The following KCTD18 variants were observed in gnomAD, a reference collection of about 807,000 sequenced individuals.
KCTD18 encodes potassium channel tetramerization domain containing 18.
A neutral mutation model predicts 30.4 loss-of-function variants in KCTD18; 22 were observed. The ratio of observed to expected loss-of-function variants is 0.72; its 90% CI spans 0.52 to 1.03. The LOEUF is 1.03. Ranked by LOEUF, KCTD18 falls within the 50% of genes least tolerant of loss-of-function variation. The pLI is 0.00. For missense variants in KCTD18, 529 were observed against 547.6 expected (o/e 0.97, Z 0.34); for synonymous variants, 186 against 209.0 (o/e 0.89, Z 0.95).
In KCTD18 at chr2:200,490,332, G is replaced by T; in HGVS notation, c.1049C>A (p.Ala350Glu). The T allele has an allele frequency of 6.2e-7, 1 of 1,614,222 alleles. No homozygotes were observed. The highest frequency in any genetic ancestry group is 8.5e-7 in the Non-Finnish European group (1 of 1,180,038). ...PGHPQASPGAASAENGGTHLP... is the reference protein window; with the variant it reads ...PGHPQASPGAESAENGGTHLP... ...GTGCGTGCCTCCATTTTCAGCGCTC[G>T]CAGCCCCAGGGGAAGCCTGAGGATG... The change falls in exon 7 of 7, where the codon GCG becomes GAG. Residue 350 changes from alanine to glutamate, a missense_variant. Coordinates refer to ENST00000359878, the MANE Select transcript of KCTD18 (RefSeq NM_152387.4).
Position 200,504,944 on chromosome 2 carries a change from T to C in KCTD18, c.176A>G (p.Asp59Gly), listed in dbSNP as rs2030107213. 1 of 1,613,788 alleles carries C rather than the reference T, an allele frequency of 6.2e-7. No individual in the cohort carries two copies. The highest frequency in any genetic ancestry group is 2.2e-5 in the East Asian group (1 of 44,880). The change falls in exon 3 of 7, where the codon GAC (aspartate) becomes GGC (glycine). Residue 59 changes from aspartate to glycine, a missense_variant. Asp to Gly is a moderately conservative substitution (Grantham distance 94). Coordinates refer to ENST00000359878, the MANE Select transcript of KCTD18 (RefSeq NM_152387.4). ...GTATTTAAATAGACGTCCATCACGG[T>C]CAATAACACAAGCCCCTAGAAAACA... ...KTDESGACVI[D>G]RDGRLFKYLL... is the part of the protein sequence containing the mutation.
intron 5 of KCTD18, 56 bp from the exon 6 acceptor site, chr2:200,493,330 C>A: frequency 9.6e-7 from 1 of 1,043,350 alleles, no homozygotes; most frequent in Non-Finnish European, 1.5e-6. Flanking sequence ...AAATGCTGAG[C>A]AACACTGTTT....
intron 1 of KCTD18, among the ~76,000 whole-genome samples, 162 bp from the exon 2 acceptor site, chr2:200,507,253 A>G (rs2106285971): frequency 6.6e-6 from 1 of 152,366 alleles, no homozygotes; most frequent in Non-Finnish European, 1.5e-5. Flanking sequence ...TATGCTAAGA[A>G]GTTGGAAAAT....
At chr2:200,493,666 T>C (rs531870967) in intron 5 of KCTD18, among the ~76,000 whole-genome samples, 1 of 152,340 alleles carries the variant, frequency 6.6e-6, no homozygotes, top group East Asian at 1.9e-4. Context: ...AGCTGTGAAA[T>C]GATGACAATA....
intron 1 of KCTD18, among the ~76,000 whole-genome samples, chr2:200,508,135 C>T (rs113483357): frequency 6.6e-6 from 1 of 152,124 alleles, no homozygotes; most frequent in Non-Finnish European, 1.5e-5. Flanking sequence ...TGGAGTCTCG[C>T]TCTGTAGCCC....
At position 200,490,024 on chromosome 2, in the gene KCTD18, AAAGT is replaced by A. The variant is rs1465298359; in HGVS notation, c.*72_*75del. 1.4e-6 allele frequency: 2 copies of A among 1,437,374 alleles called. No homozygotes were observed. The highest frequency in any genetic ancestry group is 2.8e-5 in the African/African-American group (2 of 70,556). The allele number at this position is 1,437,374 out of a possible 1,614,324, so 89.0% of individuals were successfully genotyped here. A position where few individuals can be genotyped will look rare whatever the true frequency, so the allele number is the denominator to read the frequency against. ...TAAGCTTCCCCTCTGCTGCATTAAG[AAAGT>A]GTCACTTCTTTGCGTCGAATGGGTT... On this transcript the variant is annotated 3_prime_UTR_variant, in exon 7 of 7. Coordinates refer to ENST00000359878, the MANE Select transcript of KCTD18 (RefSeq NM_152387.4).
chr2:200,489,171 C>T lies in KCTD18; in HGVS notation c.*929G>A, dbSNP rs541317452. ...AACATAACATTTACGAATAAACACA[C>T]ACAACTGAATAGTCATGAAAAAATA... On this transcript the variant is annotated 3_prime_UTR_variant, in exon 7 of 7. Transcript: ENST00000359878. 9 of 152,566 alleles carry T rather than the reference C, an allele frequency of 5.9e-5. No individual in the cohort carries two copies. The highest frequency in any genetic ancestry group is 1.2e-4 in the Non-Finnish European group (8 of 68,002). 9.5% of individuals were successfully genotyped at this position (152,566 alleles called of 1,614,324 possible). A position where few individuals can be genotyped will look rare whatever the true frequency, so the allele number is the denominator to read the frequency against.
chr2:200,500,501 A>G (rs894456659), intron 3 of KCTD18, among the ~76,000 whole-genome samples: 249 of 152,076 alleles, frequency 1.6e-3, no homozygotes, highest in Non-Finnish European at 3.0e-3. Context: ...ACAAACAGAG[A>G]GCCAAATCAT....
intron 3 of KCTD18, among the ~76,000 whole-genome samples, chr2:200,502,030 C>A (rs1003837384): frequency 6.6e-6 from 1 of 151,622 alleles, no homozygotes; most frequent in African/African-American, 2.4e-5. Flanking sequence ...AGTAAACTAT[C>A]GCAAGAACAA....
chr2:200,492,829 AG>A (rs1259202973), intron 6 of KCTD18, among the ~76,000 whole-genome samples: 12 of 111,216 alleles, frequency 1.1e-4, no homozygotes, highest in African/African-American at 3.1e-4. Context: ...AAGTCTAAAT[AG>A]ATTTTTTTTT....
At position 200,493,259 on chromosome 2, in the gene KCTD18, C is replaced by T. The variant is rs769455001; in HGVS notation, c.677G>A (p.Arg226Gln). The change falls in exon 6 of 7, where the codon CGG becomes CAG. Residue 226 changes from arginine (R) to glutamine (Q), a missense_variant. Physicochemically the swap from Arg to Gln is conservative, Grantham distance 43. Coordinates refer to ENST00000359878, the MANE Select transcript of KCTD18 (RefSeq NM_152387.4). ...ACACTCTATCAGCTCATGAGGCACC[C>T]GCCAGTAGCTAACACCTGGAAGGTA... is the stretch of plus-strand genomic sequence containing the variant. ...AWEGKGVSYW[R>Q]VPHELIECWT... 19 of 1,606,660 alleles carry T rather than the reference C, an allele frequency of 1.2e-5. No individual in the cohort carries two copies. The highest frequency in any genetic ancestry group is 6.7e-5 in the African/African-American group (5 of 74,780).
rs1480731007 is a variant in KCTD18, at chr2:200,490,443, C to G, written c.938G>C (p.Arg313Pro). 1.9e-6 allele frequency: 3 copies of G among 1,613,926 alleles called. No individual in the cohort carries two copies. The highest frequency in any genetic ancestry group is 3.3e-5 in the Admixed American group (2 of 60,008). ...IQTSAGATAN[R>P]FQSGSRRKAA... The stretch of plus-strand genomic sequence containing the variant: ...CTTTCTGCGGCTACCACTTTGAAAC[C>G]GGTTTGCTGTCGCCCCAGCCGACGT... Residue 313 changes from arginine to proline, a missense_variant, in exon 7 of 7, where the codon CGG (arginine) becomes CCG (proline). Transcript: ENST00000359878.
At position 200,488,993 on chromosome 2, in the gene KCTD18, G is replaced by A. The variant is rs753109200; in HGVS notation, c.*1107C>T. On this transcript the variant is annotated 3_prime_UTR_variant, in exon 7 of 7. Transcript: ENST00000359878. Reference sequence around the variant, plus strand: ...AAAGTTTTATTTGATTTTGTAAAACGTAATGTTTTGAGTATACTTACTTTA... The same window carrying A: ...AAAGTTTTATTTGATTTTGTAAAACATAATGTTTTGAGTATACTTACTTTA... 3.9e-5 allele frequency: 6 copies of A among 152,094 alleles called. No individual in the cohort carries two copies. Among genetic ancestry groups the A allele is most frequent in the Non-Finnish European group, 8.8e-5 (6 of 67,992 alleles). 9.4% of individuals were successfully genotyped at this position (152,094 alleles called of 1,614,324 possible).
At chr2:200,503,243 G>A (rs879656616) in intron 3 of KCTD18, among the ~76,000 whole-genome samples, 3 of 152,212 alleles carry the variant, frequency 2.0e-5, no homozygotes, top group Admixed American at 1.3e-4. Context: ...GAGATGCCTA[G>A]TATTTACTGA....
chr2:200,495,327 T>C (rs1031713071), intron 5 of KCTD18, among the ~76,000 whole-genome samples: 5 of 152,224 alleles, frequency 3.3e-5, no homozygotes, highest in African/African-American at 1.2e-4. Context: ...TCTGTGGATG[T>C]GCCAAAATAT....
At chr2:200,503,704 G>T (rs1430723315) in intron 3 of KCTD18, among the ~76,000 whole-genome samples, 1 of 152,130 alleles carries the variant, frequency 6.6e-6, no homozygotes, top group East Asian at 1.9e-4. Flanking sequence ...TCCTAAAGGG[G>T]ATCTGGAACC....
chr2:200,505,028 C>G, intron 2 of KCTD18, 69 bp from the exon 3 acceptor site: 1 of 1,270,800 alleles, frequency 7.9e-7, no homozygotes, highest in Non-Finnish European at 1.1e-6. Context: ...ACAAATCAAA[C>G]TAGGTCTGAG....
intron 2 of KCTD18, among the ~76,000 whole-genome samples, chr2:200,505,772 T>C (rs1338784483): frequency 6.6e-6 from 1 of 152,002 alleles, no homozygotes; most frequent in African/African-American, 2.4e-5. Context: ...AGTCCTTTTG[T>C]ACTACGAGAA....
chr2:200,498,796 G>C (rs2088037267), intron 4 of KCTD18, 95 bp downstream of exon 4: 4 of 1,077,350 alleles, frequency 3.7e-6, no homozygotes, highest in Non-Finnish European at 5.6e-6. Context: ...AGGTGTTAAT[G>C]GTCTTTTCTA....
Sources: gnomAD v4.1 joint callset for allele counts (sites outside exome capture counted in the v4.1 genomes callset) on GRCh38, gnomAD v4.1.1 for gene constraint, MANE v1.5 for transcripts, NCBI Gene and HGNC (gene_info 2026-07-23, HGNC 2026-07-21) for gene names.